The following ZNF398 variants were observed in gnomAD, a reference collection of about 807,000 sequenced individuals.
The protein encoded by ZNF398 is zinc finger protein 398, also known as zinc finger DNA binding protein ZER6.
In ZNF398, 18 loss-of-function variants were observed where a neutral mutation model predicts 41.9. The ratio of observed to expected loss-of-function variants is 0.43; its 90% CI spans 0.30 to 0.64. The LOEUF is 0.64. Among genes scored for constraint, ZNF398 ranks in the 30% least tolerant of loss-of-function variants. The pLI, the probability that ZNF398 is intolerant of heterozygous loss-of-function variation, is 0.14. For missense variants in ZNF398, 669 were observed against 822.8 expected (o/e 0.81, Z 2.29); for synonymous variants, 260 against 308.8 (o/e 0.84, Z 1.66).
chr7:149,168,716 G>A (rs929359762), intron 4 of ZNF398, among the ~76,000 whole-genome samples: 2 of 151,854 alleles, frequency 1.3e-5, no homozygotes, highest in Admixed American at 6.6e-5. Context: ...TTCCACGCCC[G>A]GCTAATTTTT....
intron 2 of ZNF398, among the ~76,000 whole-genome samples, chr7:149,155,707 A>ATATTTTTTTTTTTTT (rs1794954712): frequency 2.7e-5 from 2 of 73,578 alleles, no homozygotes; most frequent in Non-Finnish European, 4.8e-5. Flanking sequence ...ATATATATAT[A>ATATTTTTTTTTTTTT]TTTTTTTTTT....
rs1178372069 is a variant in ZNF398 at position 149,153,931 on chromosome 7, T to C, written c.25-14T>C. The C allele has an allele frequency of 6.3e-7, 1 of 1,595,614 alleles. No individual in the cohort carries two copies. Among genetic ancestry groups the C allele is most frequent in the Admixed American group, 1.7e-5 (1 of 57,162 alleles). On this transcript the variant is annotated splice_polypyrimidine_tract_variant and intron_variant, in intron 1 of 5. Transcript: ENST00000475153. ...AACACTCAATGTCTTGTTCCATCTT[T>C]CCACTGCATGCAGACATCTGAATGG...
At chr7:149,174,078 C>G (rs887952312) in intron 4 of ZNF398, among the ~76,000 whole-genome samples, 9 of 151,690 alleles carry the variant, frequency 5.9e-5, no homozygotes, top group African/African-American at 2.2e-4. Flanking sequence ...ACAGGCGTGA[C>G]CCACCATGCC....
intron 2 of ZNF398, among the ~76,000 whole-genome samples, chr7:149,157,097 G>C (rs1794996171): frequency 6.6e-6 from 1 of 152,106 alleles, no homozygotes; most frequent in Non-Finnish European, 1.5e-5. Flanking sequence ...GAACTGGGTA[G>C]ATGGTGTTGG....
chr7:149,150,251 C>T lies in ZNF398; in HGVS notation c.24+2485C>T, dbSNP rs1585514793. Among the ~76,000 whole-genome samples the T allele has an allele frequency of 6.6e-5, 10 of 152,274 alleles. 2 individuals carry two copies. In the South Asian group the frequency reaches 2.1e-3, roughly 32 times the overall value. On this transcript the variant is annotated intron_variant, in intron 1 of 5. Coordinates refer to ENST00000475153, the MANE Select transcript of ZNF398 (RefSeq NM_170686.3). Reference sequence around the variant, plus strand: ...TGTCATCTTCTGAGAGTGGGGGCTGCAGCAGACAAGTCTTACTACTCAGTG... The same window carrying T: ...TGTCATCTTCTGAGAGTGGGGGCTGTAGCAGACAAGTCTTACTACTCAGTG...
In ZNF398 at chr7:149,130,648, TA is replaced by T. The variant is rs1446853862; in HGVS notation, c.-490+1711del. On this transcript the variant is annotated intron_variant, in intron 2 of 6. Coordinates refer to the ZNF398 transcript ENST00000426851. ...TTCTTTATTTGGTATTTTTAGCATT[TA>T]AAAAAACCGTTAGACATTCTAATCA... Among the ~76,000 whole-genome samples, 8 of 152,272 alleles carry T rather than the reference TA, an allele frequency of 5.3e-5. No homozygotes were observed. The South Asian group carries it at 1.4e-3, about 28-fold the overall frequency.
intron 2 of ZNF398, among the ~76,000 whole-genome samples, chr7:149,139,996 C>CA (rs1361492760): frequency 7.4e-4 from 112 of 150,526 alleles, no homozygotes; most frequent in African/African-American, 2.4e-3. Context: ...AAATCCATCT[C>CA]AAAGAAAAAA....
intron 2 of ZNF398, among the ~76,000 whole-genome samples, chr7:149,157,148 G>T (rs533096220): frequency 1.3e-5 from 2 of 152,036 alleles, no homozygotes; most frequent in Non-Finnish European, 2.9e-5. Context: ...TGTGGCCTTG[G>T]GGGTGGGAGG....
chr7:149,147,659 G>A lies in ZNF398; in HGVS notation c.-84G>A. 8.1e-7 allele frequency: 1 copy of A among 1,231,912 alleles called. No homozygotes were observed. Among genetic ancestry groups the A allele is most frequent in the Non-Finnish European group, 1.0e-6 (1 of 986,734 alleles). 76.3% of individuals were successfully genotyped at this position (1,231,912 alleles called of 1,614,324 possible). A position where few individuals can be genotyped will look rare whatever the true frequency, so the allele number is the denominator to read the frequency against. On this transcript the variant is annotated 5_prime_UTR_variant, in exon 1 of 6. Transcript: ENST00000475153. The surrounding 1 kb of genome is among the most constrained non-coding windows in gnomAD (Gnocchi z 5.6). ...GCGCCGCCTGTGGAGAGGACCCGGC[G>A]GCCGGGCCTGCTTGGAGCCGGGCGC...
chr7:149,129,385 T>C (rs1344881017), intron 2 of ZNF398, among the ~76,000 whole-genome samples: 1 of 152,016 alleles, frequency 6.6e-6, no homozygotes, highest in Non-Finnish European at 1.5e-5. Flanking sequence ...TTATTTTTTA[T>C]TGTTATTTTT....
rs750246814 is a variant in ZNF398 at position 149,179,324 on chromosome 7, C to T, written c.1452C>T (p.Ser484=). 268 of 1,613,258 alleles carry T rather than the reference C, an allele frequency of 1.7e-4. No homozygotes were observed. The highest frequency in any genetic ancestry group is 2.1e-4 in the Non-Finnish European group (252 of 1,180,018). ...GTCATGCACAAGAGCGCCCTTTCTC[C>T]TGCCCTCAGTGTGGCATTGACTTCA... ...QRGHAQERPF[S]CPQCGIDFNG... The change falls in exon 6 of 6, where the codon TCC becomes TCT. Residue 484 remains serine, a synonymous_variant. Coordinates refer to ENST00000475153, the MANE Select transcript of ZNF398 (RefSeq NM_170686.3). The surrounding 1 kb of genome is among the most constrained non-coding windows in gnomAD (Gnocchi z 6.1).
chr7:149,167,214 G>C (rs1321927044), intron 4 of ZNF398, among the ~76,000 whole-genome samples: 2 of 152,198 alleles, frequency 1.3e-5, no homozygotes, highest in Admixed American at 1.3e-4. Flanking sequence ...ACATGATGAA[G>C]GAGGCAGTCA....
intron 2 of ZNF398, among the ~76,000 whole-genome samples, chr7:149,160,379 T>C (rs1032574063): frequency 8.5e-5 from 13 of 152,296 alleles, no homozygotes; most frequent in Admixed American, 2.0e-4. Flanking sequence ...TGCAGTGAGC[T>C]GAGAGTATAG....
intron 2 of ZNF398, among the ~76,000 whole-genome samples, chr7:149,130,338 C>T (rs749393439): frequency 2.3e-4 from 35 of 152,064 alleles, no homozygotes; most frequent in African/African-American, 7.2e-4. Flanking sequence ...TCAAGTGATC[C>T]GCCTGCCTTG....
Position 149,147,509 on chromosome 7 carries a change from A to G in ZNF398, c.-234A>G. The G allele has an allele frequency of 3.1e-6, 1 of 325,884 alleles. No homozygotes were observed. The highest frequency in any genetic ancestry group is 5.4e-6 in the Non-Finnish European group (1 of 184,640). The allele number at this position is 325,884 out of a possible 1,614,324, so 20.2% of individuals were successfully genotyped here. On this transcript the variant is annotated 5_prime_UTR_variant, in exon 1 of 6. Coordinates refer to ENST00000475153, the MANE Select transcript of ZNF398 (RefSeq NM_170686.3). The surrounding 1 kb of genome is among the most constrained non-coding windows in gnomAD (Gnocchi z 5.6). Reference sequence around the variant, plus strand: ...GGCCGCTGCGGGTGGAGTGCGGCGGAGTCGGCCTCGCGACCCCAGCTTGAT... The same window carrying G: ...GGCCGCTGCGGGTGGAGTGCGGCGGGGTCGGCCTCGCGACCCCAGCTTGAT...
At position 149,126,435 on chromosome 7, in the gene ZNF398, C is replaced by T. The variant is rs530093024; in HGVS notation, c.-832C>T. The T allele has an allele frequency of 1.0e-4, 78 of 767,896 alleles. 1 individual carries two copies. Among genetic ancestry groups the T allele is most frequent in the South Asian group, 1.0e-3 (49 of 48,444 alleles). The allele number at this position is 767,896 out of a possible 1,614,324, so 47.6% of individuals were successfully genotyped here. A position where few individuals can be genotyped will look rare whatever the true frequency, so the allele number is the denominator to read the frequency against. ...AGGGAGTCGGTCCTCAGAGGAGGGGCCCGGGCACCCTCCGTGCGGGCCGCA... is the reference window on the plus strand; with the variant it reads ...AGGGAGTCGGTCCTCAGAGGAGGGGTCCGGGCACCCTCCGTGCGGGCCGCA... On this transcript the variant is annotated 5_prime_UTR_variant, in exon 1 of 7. Coordinates refer to the ZNF398 transcript ENST00000426851.
intron 2 of ZNF398, among the ~76,000 whole-genome samples, chr7:149,139,145 C>T (rs901411045): frequency 2.6e-5 from 4 of 151,980 alleles, no homozygotes; most frequent in East Asian, 1.9e-4. Context: ...TTGACCTCCT[C>T]GTGATCCGCC....
chr7:149,146,424 C>T (rs1342970718), upstream of ZNF398, among the ~76,000 whole-genome samples: 2 of 152,140 alleles, frequency 1.3e-5, no homozygotes, highest in Non-Finnish European at 2.9e-5. Context: ...GTAGCTGCGC[C>T]TGTAGTCCAA....
intron 4 of ZNF398, among the ~76,000 whole-genome samples, chr7:149,170,997 C>A (rs1202454): frequency 6.8e-6 from 1 of 147,830 alleles, no homozygotes; most frequent in Admixed American, 6.7e-5. Context: ...GCACGTGCCA[C>A]CACGCCCGGC....
Sources: allele counts gnomAD v4.1 joint callset (sites outside exome capture counted in the v4.1 genomes callset), GRCh38; gene constraint gnomAD v4.1.1; non-coding constraint Gnocchi (gnomAD v3.1); transcripts MANE v1.5; gene names NCBI Gene and HGNC (gene_info 2026-07-23, HGNC 2026-07-21).